ZNF469: variants seen among roughly 807,000 people sequenced by gnomAD.
The protein encoded by ZNF469 is zinc finger protein 469.
ZNF469 carries 1 observed loss-of-function variant against 1.0 expected under a neutral mutation model. The ratio of observed to expected loss-of-function variants is 1.00; its 90% CI spans 0.35 to 4.73. The LOEUF (loss-of-function observed/expected upper bound fraction) is 4.73. Ranked by LOEUF, ZNF469 falls within the 30% of genes most tolerant of loss-of-function variation. The pLI, the probability that ZNF469 is intolerant of heterozygous loss-of-function variation, is 0.16. For synonymous variants in ZNF469, 2,703 were observed against 2,363.4 expected (o/e 1.14, Z -4.17); for missense variants, 6,100 against 5,356.3 (o/e 1.14, Z -4.33).
chr16:88,288,731 G>C, the ZNF469 span, among the ~76,000 whole-genome samples: 35 of 152,324 alleles, frequency 2.3e-4, no homozygotes, highest in East Asian at 5.2e-3. Context: ...AAAGTATGCA[G>C]CCCAAATCTC....
rs1183367319 is a variant in ZNF469 at position 88,427,994 on chromosome 16, C to T, written c.524C>T (p.Ala175Val). Residue 175 changes from alanine to valine, a missense_variant, in exon 3 of 3, where the codon GCC becomes GTC. By Grantham distance (64) the Ala-to-Val change is moderately conservative (BLOSUM62 0). Coordinates refer to ENST00000565624, the MANE Select transcript of ZNF469 (RefSeq NM_001367624.2). ...CCAAGGACTGAGGCCCAACCCGCCGCCGAAGAGCTTGGCTTCCACAGGTGC... is the reference window on the plus strand; with the variant it reads ...CCAAGGACTGAGGCCCAACCCGCCGTCGAAGAGCTTGGCTTCCACAGGTGC... ...GLPRTEAQPA[A>V]EELGFHRCFQ... The T allele has an allele frequency of 3.2e-6, 5 of 1,550,018 alleles. No individual in the cohort carries two copies. The Admixed American group carries it at 9.8e-5, about 30-fold the overall frequency.
the ZNF469 span, among the ~76,000 whole-genome samples, chr16:88,136,328 T>C: frequency 5.3e-5 from 8 of 152,232 alleles, no homozygotes; most frequent in Non-Finnish European, 8.8e-5. Context: ...ACAACGCTGA[T>C]TTTCATTTTG....
the ZNF469 span, among the ~76,000 whole-genome samples, chr16:88,214,665 C>A: frequency 3.9e-5 from 6 of 152,140 alleles, no homozygotes; most frequent in African/African-American, 1.4e-4. Flanking sequence ...ACCCTCACCC[C>A]CCGACAGGCC....
At chr16:88,380,457 GCA>G (rs1461472713), upstream of ZNF469, among the ~76,000 whole-genome samples, 38 of 101,444 alleles carry the variant, frequency 3.7e-4, no homozygotes, top group South Asian at 1.2e-3. Flanking sequence ...ACACAGACAT[GCA>G]CACACACATG....
At chr16:88,292,310 G>C in the ZNF469 span, among the ~76,000 whole-genome samples, 36 of 152,292 alleles carry the variant, frequency 2.4e-4, no homozygotes, top group African/African-American at 7.7e-4. Flanking sequence ...AACTGGGGCA[G>C]GGTGGCCCAG....
the ZNF469 span, among the ~76,000 whole-genome samples, chr16:88,107,062 G>T: frequency 5.9e-5 from 9 of 152,190 alleles, no homozygotes; most frequent in Non-Finnish European, 7.3e-5. Context: ...GCAGGCGGGC[G>T]GGGGTCTGCG....
the ZNF469 span, among the ~76,000 whole-genome samples, chr16:88,202,532 C>T: frequency 5.3e-5 from 8 of 152,342 alleles, 1 homozygote; most frequent in East Asian, 1.5e-3. Context: ...CATCATCATT[C>T]TCCCAGGCAG....
chr16:88,291,050 C>A, the ZNF469 span, among the ~76,000 whole-genome samples: 1 of 152,178 alleles, frequency 6.6e-6, no homozygotes, highest in Non-Finnish European at 1.5e-5. Context: ...TGGATGGGCT[C>A]CAGGTGTGTG....
At chr16:88,247,119 G>A in the ZNF469 span, among the ~76,000 whole-genome samples, 2 of 151,852 alleles carry the variant, frequency 1.3e-5, no homozygotes, top group African/African-American at 4.8e-5. Context: ...GATTGAATGA[G>A]TGAGTGAATG....
At chr16:88,342,393 G>A in the ZNF469 span, among the ~76,000 whole-genome samples, 1 of 152,118 alleles carries the variant, frequency 6.6e-6, no homozygotes, top group Non-Finnish European at 1.5e-5. Flanking sequence ...AGTTCCCTGT[G>A]CCCCGCTCAT....
intron 1 of ZNF469, among the ~76,000 whole-genome samples, chr16:88,400,953 G>A (rs1904837124): frequency 6.6e-6 from 1 of 152,062 alleles, no homozygotes; most frequent in Non-Finnish European, 1.5e-5. Flanking sequence ...AACAGGCCAG[G>A]GGTTGCTTCT....
chr16:88,404,841 G>A lies in ZNF469; in HGVS notation c.-191-19966G>A, dbSNP rs527451248. On this transcript the variant is annotated intron_variant, in intron 1 of 2. Coordinates refer to ENST00000565624, the MANE Select transcript of ZNF469 (RefSeq NM_001367624.2). ...AAATCGGCACCCAACTGGGTCACCCGTGAATCCCCACCTGGGGTCATGTTG... is the reference window on the plus strand; with the variant it reads ...AAATCGGCACCCAACTGGGTCACCCATGAATCCCCACCTGGGGTCATGTTG... 2.4e-3 allele frequency among the ~76,000 whole-genome samples: 361 copies of A among 152,336 alleles called. 1 individual carries two copies. Among genetic ancestry groups the A allele is most frequent in the Non-Finnish European group, 4.0e-3 (275 of 68,036 alleles).
chr16:88,203,165 C>G, the ZNF469 span, among the ~76,000 whole-genome samples: 10 of 152,114 alleles, frequency 6.6e-5, no homozygotes, highest in African/African-American at 2.4e-4. Context: ...AAGGGCGAGT[C>G]CGGAGCATCC....
the ZNF469 span, among the ~76,000 whole-genome samples, chr16:88,254,945 C>T: frequency 6.6e-6 from 1 of 152,034 alleles, no homozygotes; most frequent in Non-Finnish European, 1.5e-5. Flanking sequence ...AATCCATGAA[C>T]ATGGTATACT....
chr16:88,233,861 G>A, the ZNF469 span, among the ~76,000 whole-genome samples: 4 of 152,228 alleles, frequency 2.6e-5, no homozygotes, highest in Non-Finnish European at 2.9e-5. Context: ...GCTGGTGGAC[G>A]TTCAGCCCTA....
In ZNF469 at chr16:88,427,534, C is replaced by A. The variant is rs1905769446; in HGVS notation, c.64C>A (p.Gln22Lys). The A allele has an allele frequency of 6.5e-7, 1 of 1,536,026 alleles. No homozygotes were observed. The highest frequency in any genetic ancestry group is 1.2e-5 in the South Asian group (1 of 83,912). Residue 22 changes from glutamine (Q) to lysine (K), a missense_variant, in exon 3 of 3, where the codon CAA (glutamine) becomes AAA (lysine). Coordinates refer to ENST00000565624, the MANE Select transcript of ZNF469 (RefSeq NM_001367624.2). ...CATGACTGGAGACCTGCAGCCCCGC[C>A]AAGTTGCCAGCAGCCCGGGGCACCC... is the stretch of plus-strand genomic sequence containing the variant. ...PTMTGDLQPR[Q>K]VASSPGHPSQ...
chr16:88,352,885 T>C, the ZNF469 span, among the ~76,000 whole-genome samples: 1 of 151,656 alleles, frequency 6.6e-6, no homozygotes, highest in African/African-American at 2.4e-5. Flanking sequence ...GCCCACCGAG[T>C]GAGACGGCTC....
chr16:88,200,397 C>T, the ZNF469 span, among the ~76,000 whole-genome samples: 6 of 152,220 alleles, frequency 3.9e-5, no homozygotes, highest in Non-Finnish European at 8.8e-5. Flanking sequence ...CCAATGCTCA[C>T]GCCCCATAGG....
In ZNF469 at chr16:88,390,950, C is replaced by T. The variant is rs147533485; in HGVS notation, c.-192+7696C>T. Among the ~76,000 whole-genome samples the T allele has an allele frequency of 3.3e-3, 500 of 152,350 alleles. 4 individuals carry two copies. The highest frequency in any genetic ancestry group is 0.012 in the African/African-American group (480 of 41,586). The stretch of plus-strand genomic sequence containing the variant: ...TCTGGCAGCTCATGGTCAGCAGTTC[C>T]GAAAGACCCGACCCAGGCAGCTGCC... On this transcript the variant is annotated intron_variant, in intron 1 of 2. Transcript: ENST00000565624.
Sources: allele counts gnomAD v4.1 joint callset (sites outside exome capture counted in the v4.1 genomes callset), GRCh38; gene constraint gnomAD v4.1.1; transcripts MANE v1.5; gene names NCBI Gene and HGNC (gene_info 2026-07-23, HGNC 2026-07-21).